The following BRAF variants were observed in gnomAD, a reference collection of about 807,000 sequenced individuals.
BRAF encodes B-Raf proto-oncogene, serine/threonine kinase.
In BRAF, 16 loss-of-function variants were observed where a neutral mutation model predicts 104.6. That is an observed-to-expected ratio of 0.15 (90% CI 0.10 to 0.23). The LOEUF (loss-of-function observed/expected upper bound fraction) is 0.23. BRAF is among the 10% of genes least tolerant of loss of function. BRAF has a pLI of 1.00. For missense variants in BRAF, 541 were observed against 937.3 expected, an observed-to-expected ratio of 0.58 and a Z score of 5.52; for synonymous variants, 310 against 341.6, an observed-to-expected ratio of 0.91 and a Z score of 1.02.
At chr7:140,797,026 T>C (rs1001411517) in intron 7 of BRAF, among the ~76,000 whole-genome samples, 2 of 152,106 alleles carry the variant, frequency 1.3e-5, no homozygotes, top group African/African-American at 2.4e-5. Flanking sequence ...TACATTACCA[T>C]ACTGGGAAAT....
intron 14 of BRAF, among the ~76,000 whole-genome samples, chr7:140,763,181 C>T (rs1171679872): frequency 2.9e-4 from 44 of 152,208 alleles, no homozygotes; most frequent in Admixed American, 6.5e-4. Context: ...CCAGTAGGGG[C>T]GGCCGGGGAG....
intron 5 of BRAF, among the ~76,000 whole-genome samples, chr7:140,804,766 A>T (rs1226057202): frequency 1.3e-5 from 2 of 152,056 alleles, no homozygotes; most frequent in Non-Finnish European, 2.9e-5. Context: ...TTTTTTTATG[A>T]TACATTAAAT....
chr7:140,843,391 C>T (rs1292257065), intron 2 of BRAF, among the ~76,000 whole-genome samples: 1 of 152,202 alleles, frequency 6.6e-6, no homozygotes, highest in Non-Finnish European at 1.5e-5. Context: ...TGACAACTGA[C>T]CTGTGTAGAA....
intron 7 of BRAF, chr7:140,799,462 C>T (rs1242389572): frequency 8.6e-6 from 2 of 232,144 alleles, no homozygotes; most frequent in Admixed American, 5.6e-5. Context: ...TTCCAAGACT[C>T]TCCATAATCT....
intron 14 of BRAF, chr7:140,758,112 T>C (rs1281352177): frequency 2.0e-5 from 3 of 152,218 alleles, no homozygotes; most frequent in Non-Finnish European, 2.9e-5. Flanking sequence ...ACTTAGACAT[T>C]TGCATGTCAG....
At chr7:140,902,009 AC>A (rs1815699444) in intron 1 of BRAF, among the ~76,000 whole-genome samples, 1 of 152,208 alleles carries the variant, frequency 6.6e-6, no homozygotes. Flanking sequence ...TTAACCAATG[AC>A]TGTGAAGTAT....
rs528591518 is a variant in BRAF, at chr7:140,856,016, T to TAAAC, written c.139-5808_139-5805dup. Among the ~76,000 whole-genome samples, 139 of 151,544 alleles carry TAAAC rather than the reference T, an allele frequency of 9.2e-4. 2 individuals carry two copies. Among genetic ancestry groups the TAAAC allele is most frequent in the African/African-American group, 2.9e-3 (119 of 41,356 alleles). ...TTGGGCAACAGAGCAAGACTATCTC[T>TAAAC]AAACAAACAAACAAACAAAACATAA... is the stretch of plus-strand genomic sequence containing the variant. On this transcript the variant is annotated intron_variant, in intron 1 of 19. Coordinates refer to ENST00000644969, the MANE Select transcript of BRAF (RefSeq NM_001374258.1).
chr7:140,779,453 T>G lies in BRAF; in HGVS notation c.1553-1378A>C, dbSNP rs567948275. Among the ~76,000 whole-genome samples the G allele has an allele frequency of 2.6e-5, 4 of 152,290 alleles. No homozygotes were observed. The East Asian group carries it at 7.7e-4, about 29-fold the overall frequency. ...CTGAGTATCCCTTATCCAAAATGCC[T>G]GGGACCAGAAGTGTCTCAAATTTCA... On this transcript the variant is annotated intron_variant, in intron 12 of 19. Coordinates refer to ENST00000644969, the MANE Select transcript of BRAF (RefSeq NM_001374258.1).
In BRAF at chr7:140,723,791, G is replaced by A. The variant is rs562587037; in HGVS notation, c.*2703C>T. On this transcript the variant is annotated 3_prime_UTR_variant, in exon 20 of 20. Transcript: ENST00000644969. ...ACACCCTTACAAGATGATCAGTGACGCAGCCACATACTGTCTATACAATTA... is the reference window on the plus strand; with the variant it reads ...ACACCCTTACAAGATGATCAGTGACACAGCCACATACTGTCTATACAATTA... The A allele has an allele frequency of 3.8e-6, 4 of 1,047,588 alleles. No homozygotes were observed. The highest frequency in any genetic ancestry group is 4.6e-6 in the Non-Finnish European group (4 of 868,204). The allele number at this position is 1,047,588 out of a possible 1,614,324, so 64.9% of individuals were successfully genotyped here.
At chr7:140,734,113 T>C in intron 19 of BRAF, 1 of 1,044,418 alleles carries the variant, frequency 9.6e-7, no homozygotes, top group Non-Finnish European at 1.2e-6. Context: ...TTATTAAGAA[T>C]AATAATAGAA....
At position 140,724,493 on chromosome 7, in the gene BRAF, G is replaced by A. The variant is rs1336172408; in HGVS notation, c.*2001C>T. The A allele has an allele frequency of 9.5e-6, 10 of 1,052,522 alleles. No homozygotes were observed. The highest frequency in any genetic ancestry group is 1.1e-5 in the Non-Finnish European group (10 of 871,438). The allele number at this position is 1,052,522 out of a possible 1,614,324, so 65.2% of individuals were successfully genotyped here. ...CAATTTCTGAATTTTGTAAGACACT[G>A]CCCTGCTGATGTAAAACTTAAAAAC... On this transcript the variant is annotated 3_prime_UTR_variant, in exon 20 of 20. Coordinates refer to ENST00000644969, the MANE Select transcript of BRAF (RefSeq NM_001374258.1).
At chr7:140,898,628 C>T (rs1452049978) in intron 1 of BRAF, among the ~76,000 whole-genome samples, 2 of 152,046 alleles carry the variant, frequency 1.3e-5, no homozygotes. Context: ...TAAAGCAAAC[C>T]CCACAACCCA....
rs1332438057 is a variant in BRAF at position 140,862,510 on chromosome 7, C to CTCA, written c.139-12301_139-12299dup. Among the ~76,000 whole-genome samples, 19 of 152,232 alleles carry CTCA rather than the reference C, an allele frequency of 1.2e-4. No homozygotes were observed. In the South Asian group the frequency reaches 1.5e-3, roughly 12 times the overall value. On this transcript the variant is annotated intron_variant, in intron 1 of 19. Coordinates refer to ENST00000644969, the MANE Select transcript of BRAF (RefSeq NM_001374258.1). ...AACACCAATGGTCTGAGTAAAAGGG[C>CTCA]TCAGTGAGGCTAAGGCGGATGAATT...
At chr7:140,780,745 G>A (rs1800790982) in intron 12 of BRAF, 1 of 152,072 alleles carries the variant, frequency 6.6e-6, no homozygotes, top group Non-Finnish European at 1.5e-5. Context: ...TTGGATACAT[G>A]TTCACTTTCA....
chr7:140,800,255 T>C (rs1042136625), intron 7 of BRAF, 107 bp downstream of exon 7: 6 of 1,547,368 alleles, frequency 3.9e-6, no homozygotes, highest in African/African-American at 1.4e-5. Flanking sequence ...GGGGAAAAAG[T>C]CCTTAATTTA....
At chr7:140,883,018 A>G (rs996064096) in intron 1 of BRAF, among the ~76,000 whole-genome samples, 17 of 140,976 alleles carry the variant, frequency 1.2e-4, no homozygotes, top group Non-Finnish European at 2.1e-4. Context: ...AATAAAGTAA[A>G]TAAATAAATA....
intron 2 of BRAF, among the ~76,000 whole-genome samples, chr7:140,838,075 A>C (rs1807537034): frequency 6.6e-6 from 1 of 152,032 alleles, no homozygotes; most frequent in South Asian, 2.1e-4. Context: ...CACCACCACC[A>C]TTTCTTTTGG....
At chr7:140,789,918 T>C (rs1371167865) in intron 8 of BRAF, among the ~76,000 whole-genome samples, 4 of 152,088 alleles carry the variant, frequency 2.6e-5, no homozygotes, top group African/African-American at 4.8e-5. Context: ...TTGGTAGAGA[T>C]GGGGTTTCAT....
intron 17 of BRAF, among the ~76,000 whole-genome samples, chr7:140,743,983 T>C (rs12533215): frequency 0.011 from 1,642 of 152,314 alleles, 81 homozygotes; most frequent in Admixed American, 0.078. Context: ...GCTCAGATGA[T>C]TGAGTGATAT....
Sources: gnomAD v4.1 joint callset for allele counts (sites outside exome capture counted in the v4.1 genomes callset) on GRCh38, gnomAD v4.1.1 for gene constraint, MANE v1.5 for transcripts, NCBI Gene and HGNC (gene_info 2026-07-23, HGNC 2026-07-21) for gene names.